ADGRL3: variants seen among roughly 807,000 people sequenced by gnomAD.
The protein encoded by ADGRL3 is calcium-independent alpha-latrotoxin receptor 3.
In ADGRL3, 62 loss-of-function variants were observed where a neutral mutation model predicts 153.5. The observed-to-expected ratio is 0.40, with a 90% CI of 0.33 to 0.50. The LOEUF is 0.50. Ranked by LOEUF, ADGRL3 falls within the 20% of genes least tolerant of loss-of-function variation. ADGRL3 has a pLI of 0.47. For synonymous variants in ADGRL3, 710 were observed against 672.5 expected (o/e 1.06, Z -0.86); for missense variants, 1,641 against 1,859.4 (o/e 0.88, Z 2.16).
intron 1 of ADGRL3, among the ~76,000 whole-genome samples, chr4:61,327,270 C>T (rs1242472950): frequency 6.6e-6 from 1 of 150,836 alleles, no homozygotes; most frequent in Non-Finnish European, 1.5e-5. Flanking sequence ...AATTTATGTA[C>T]ATCCAGAGCT....
chr4:62,071,740 C>T lies in ADGRL3; in HGVS notation c.*832C>T, dbSNP rs1745725507. 2.4e-6 allele frequency: 1 copy of T among 412,022 alleles called. No homozygotes were observed. The allele number at this position is 412,022 out of a possible 1,614,324, so 25.5% of individuals were successfully genotyped here. ...TTCCTTTCTTCTCTTTCTTCATTTT[C>T]TTTTTTTCTTTTTTGCCTTTTATTC... On this transcript the variant is annotated 3_prime_UTR_variant, in exon 27 of 27. Coordinates refer to ENST00000683033, the MANE Select transcript of ADGRL3 (RefSeq NM_001387552.1).
At chr4:61,616,647 A>AT (rs1367224254) in intron 5 of ADGRL3, among the ~76,000 whole-genome samples, 1 of 152,136 alleles carries the variant, frequency 6.6e-6, no homozygotes, top group East Asian at 1.9e-4. Flanking sequence ...TTCCTTTATG[A>AT]TTTTGATTGA....
intron 8 of ADGRL3, among the ~76,000 whole-genome samples, chr4:61,801,223 C>T (rs2097492457): frequency 1.3e-5 from 2 of 151,936 alleles, no homozygotes; most frequent in Admixed American, 1.3e-4. Flanking sequence ...TTGATAAAAC[C>T]ATCATGAAGG....
chr4:61,688,327 A>G (rs2095482177), intron 6 of ADGRL3, among the ~76,000 whole-genome samples: 1 of 151,976 alleles, frequency 6.6e-6, no homozygotes, highest in African/African-American at 2.4e-5. Flanking sequence ...GATTTCCCTC[A>G]AGCACTAGAG....
intron 17 of ADGRL3, among the ~76,000 whole-genome samples, chr4:61,978,182 C>T (rs922846391): frequency 1.3e-5 from 2 of 152,008 alleles, no homozygotes. Context: ...ATTAGAAAGA[C>T]AACTCCTTCT....
At chr4:61,767,742 G>T (rs6811363) in intron 8 of ADGRL3, among the ~76,000 whole-genome samples, 1 of 152,124 alleles carries the variant, frequency 6.6e-6, no homozygotes, top group Non-Finnish European at 1.5e-5. Flanking sequence ...CCAGATTTCC[G>T]GCATGTGTAG....
chr4:61,775,407 T>G (rs1000534955), intron 8 of ADGRL3: 1 of 592,200 alleles, frequency 1.7e-6, no homozygotes, highest in Non-Finnish European at 3.1e-6. Flanking sequence ...TTTCTTTGTG[T>G]GTGTGTGTGT....
chr4:61,441,509 C>T (rs1355526816), intron 2 of ADGRL3, among the ~76,000 whole-genome samples: 1 of 85,010 alleles, frequency 1.2e-5, no homozygotes, highest in African/African-American at 3.6e-5. Context: ...TGTAACCTCC[C>T]CCTCTCACTC....
chr4:61,254,812 GTTT>G (rs758922172), intron 1 of ADGRL3, among the ~76,000 whole-genome samples: 10 of 152,078 alleles, frequency 6.6e-5, no homozygotes, highest in Non-Finnish European at 1.3e-4. Context: ...TCGAAACTTA[GTTT>G]TATCAGTCAT....
At chr4:61,949,551 G>T (rs1560418303) in intron 17 of ADGRL3, among the ~76,000 whole-genome samples, 1 of 151,872 alleles carries the variant, frequency 6.6e-6, no homozygotes, top group Non-Finnish European at 1.5e-5. Context: ...ACAAAAATTA[G>T]CTGAGCGTTG....
At chr4:61,958,327 C>A (rs979149297) in intron 17 of ADGRL3, among the ~76,000 whole-genome samples, 2 of 152,006 alleles carry the variant, frequency 1.3e-5, no homozygotes, top group African/African-American at 4.8e-5. Context: ...GCTTTGTCTT[C>A]ATTCTTGTTT....
At chr4:61,384,429 T>C (rs1447900097) in intron 2 of ADGRL3, among the ~76,000 whole-genome samples, 1 of 150,778 alleles carries the variant, frequency 6.6e-6, no homozygotes, top group Non-Finnish European at 1.5e-5. Flanking sequence ...CTTATTTATA[T>C]ATTATAAAAT....
intron 1 of ADGRL3, among the ~76,000 whole-genome samples, chr4:61,269,453 G>A (rs1040924132): frequency 6.6e-6 from 1 of 151,590 alleles, no homozygotes; most frequent in African/African-American, 2.4e-5. Flanking sequence ...CTCATTGTAC[G>A]AGACAGGTAG....
chr4:61,294,993 A>G (rs2094358124), intron 1 of ADGRL3, among the ~76,000 whole-genome samples: 1 of 152,008 alleles, frequency 6.6e-6, no homozygotes, highest in Admixed American at 6.6e-5. Context: ...GAGGTTAGCC[A>G]TGGTCTTAAA....
At chr4:61,671,999 G>A (rs1352114739) in intron 5 of ADGRL3, among the ~76,000 whole-genome samples, 2 of 152,106 alleles carry the variant, frequency 1.3e-5, no homozygotes, top group Non-Finnish European at 2.9e-5. Context: ...CTCCCATTCT[G>A]TAGCTTGTGT....
At chr4:61,730,422 A>G (rs1331390777) in intron 6 of ADGRL3, among the ~76,000 whole-genome samples, 200 bp from the exon 7 acceptor site, 1 of 151,868 alleles carries the variant, frequency 6.6e-6, no homozygotes, top group East Asian at 1.9e-4. Flanking sequence ...ATTTTAAAGC[A>G]TATAATATGA....
At chr4:61,518,712 G>A (rs1392231380) in intron 4 of ADGRL3, among the ~76,000 whole-genome samples, 4 of 152,166 alleles carry the variant, frequency 2.6e-5, no homozygotes, top group East Asian at 3.9e-4. Flanking sequence ...TGGTGGTTTG[G>A]CAGCAGCAGT....
chr4:61,682,564 T>A (rs12233769), intron 6 of ADGRL3, among the ~76,000 whole-genome samples: 693 of 11,066 alleles, frequency 0.063, 1 homozygote, highest in Admixed American at 0.11. Flanking sequence ...TTTAAAAAAA[T>A]TTTTTTTTTT....
chr4:61,499,764 C>T (rs1190198303), intron 3 of ADGRL3, among the ~76,000 whole-genome samples: 3 of 151,854 alleles, frequency 2.0e-5, no homozygotes, highest in Admixed American at 6.6e-5. Flanking sequence ...ACACACAATT[C>T]GTATTCAAAA....
Sources: allele counts gnomAD v4.1 joint callset (sites outside exome capture counted in the v4.1 genomes callset), GRCh38; gene constraint gnomAD v4.1.1; transcripts MANE v1.5; gene names NCBI Gene and HGNC (gene_info 2026-07-23, HGNC 2026-07-21).